MRTFA: variants seen among roughly 807,000 people sequenced by gnomAD.
MRTFA encodes the protein myocardin related transcription factor A, also known as myocardin-related transcription factor A.
MRTFA carries 20 observed loss-of-function variants against 83.5 expected under a neutral mutation model. The observed-to-expected ratio is 0.24, with a 90% confidence interval of 0.17 to 0.35. The LOEUF is 0.35. Ranked by LOEUF, MRTFA falls within the 10% of genes least tolerant of loss-of-function variation. The pLI is 1.00. For synonymous variants in MRTFA, 659 were observed against 541.2 expected (o/e 1.22, Z -3.02); for missense variants, 1,200 against 1,224.7 (o/e 0.98, Z 0.30).
intron 1 of MRTFA, among the ~76,000 whole-genome samples, chr22:40,619,838 C>T (rs557400015): frequency 3.7e-4 from 51 of 138,306 alleles, no homozygotes; most frequent in African/African-American, 1.1e-3. Flanking sequence ...TGCAGTGAGC[C>T]GAGATCACAC....
intron 9 of MRTFA, among the ~76,000 whole-genome samples, chr22:40,422,763 G>C (rs183484104): frequency 1.3e-5 from 2 of 152,358 alleles, no homozygotes; most frequent in African/African-American, 4.8e-5. Context: ...TAAGGCCAGA[G>C]CACAAGCACC....
At chr22:40,635,754 C>T (rs2056689538) in intron 1 of MRTFA, among the ~76,000 whole-genome samples, 1 of 152,132 alleles carries the variant, frequency 6.6e-6, no homozygotes, top group Admixed American at 6.5e-5. Context: ...TTATTTCATT[C>T]GACACTTACA....
intron 3 of MRTFA, among the ~76,000 whole-genome samples, chr22:40,473,920 G>A (rs908418518): frequency 6.6e-6 from 1 of 152,186 alleles, no homozygotes; most frequent in South Asian, 2.1e-4. Flanking sequence ...TTAAAAGTAG[G>A]TGAAGGGTGT....
At chr22:40,607,321 G>A (rs554777209) in intron 1 of MRTFA, among the ~76,000 whole-genome samples, 5 of 152,126 alleles carry the variant, frequency 3.3e-5, no homozygotes, top group Non-Finnish European at 5.9e-5. Flanking sequence ...TGGCTAACAC[G>A]GTGAAACCCC....
intron 1 of MRTFA, among the ~76,000 whole-genome samples, chr22:40,624,304 T>C (rs980261968): frequency 2.0e-5 from 3 of 149,552 alleles, no homozygotes; most frequent in Non-Finnish European, 3.0e-5. Flanking sequence ...GGCACGCCTG[T>C]AATCCCGGCT....
chr22:40,426,056 G>C (rs1366795117), intron 7 of MRTFA, among the ~76,000 whole-genome samples: 2 of 152,178 alleles, frequency 1.3e-5, no homozygotes, highest in African/African-American at 2.4e-5. Context: ...CTGGAGGACA[G>C]GACTTAAAGT....
At chr22:40,523,190 G>C (rs912687839) in intron 3 of MRTFA, among the ~76,000 whole-genome samples, 1 of 151,420 alleles carries the variant, frequency 6.6e-6, no homozygotes, top group Non-Finnish European at 1.5e-5. Context: ...ACCAGGAGCA[G>C]GTTTTCTTTT....
At chr22:40,538,573 AAATT>A (rs2055230081) in intron 3 of MRTFA, among the ~76,000 whole-genome samples, 1 of 71,564 alleles carries the variant, frequency 1.4e-5, no homozygotes, top group African/African-American at 6.1e-5. Flanking sequence ...ATAAAAAAAT[AAATT>A]AAAAAAAAAA....
chr22:40,595,735 C>T (rs1386227671), intron 1 of MRTFA, among the ~76,000 whole-genome samples: 2 of 151,896 alleles, frequency 1.3e-5, no homozygotes, highest in East Asian at 1.9e-4. Context: ...GAAGGCTTTA[C>T]GTAAGAGATG....
chr22:40,517,448 A>AAGG (rs1170564873), intron 3 of MRTFA, among the ~76,000 whole-genome samples: 1 of 152,128 alleles, frequency 6.6e-6, no homozygotes, highest in African/African-American at 2.4e-5. Flanking sequence ...GTTCACATGA[A>AAGG]AGGCAATATA....
intron 3 of MRTFA, among the ~76,000 whole-genome samples, chr22:40,470,448 C>A (rs1358948503): frequency 6.6e-6 from 1 of 150,488 alleles, no homozygotes. Flanking sequence ...TGAAACAGTG[C>A]TTAGAGGGAA....
chr22:40,513,300 AGCT>A (rs1569305430), intron 3 of MRTFA, among the ~76,000 whole-genome samples: 1 of 152,314 alleles, frequency 6.6e-6, no homozygotes, highest in East Asian at 1.9e-4. Context: ...TTTGAGTTTG[AGCT>A]GTTAAACTTC....
intron 2 of MRTFA, among the ~76,000 whole-genome samples, chr22:40,588,674 C>G (rs1943469963): frequency 6.6e-6 from 1 of 152,162 alleles, no homozygotes; most frequent in African/African-American, 2.4e-5. Flanking sequence ...CCATTTCCAA[C>G]GTACACATTA....
chr22:40,439,428 C>T (rs2053231440), intron 4 of MRTFA, among the ~76,000 whole-genome samples: 1 of 148,674 alleles, frequency 6.7e-6, no homozygotes, highest in African/African-American at 2.5e-5. Context: ...TTACTTGAAC[C>T]CAAGAGGCAG....
At chr22:40,635,968 G>A (rs1411888215) in intron 1 of MRTFA, among the ~76,000 whole-genome samples, 2 of 152,168 alleles carry the variant, frequency 1.3e-5, no homozygotes, top group Non-Finnish European at 2.9e-5. Flanking sequence ...AGGAGGTAAA[G>A]TTCTTGGCCA....
At chr22:40,551,086 G>GA (rs2055438240) in intron 3 of MRTFA, among the ~76,000 whole-genome samples, 1 of 60,654 alleles carries the variant, frequency 1.6e-5, no homozygotes, top group African/African-American at 7.2e-5. Context: ...CCCGACCTCA[G>GA]GGATCCGCCC....
intron 9 of MRTFA, among the ~76,000 whole-genome samples, chr22:40,421,395 T>A (rs977871896): frequency 6.6e-6 from 1 of 151,552 alleles, no homozygotes; most frequent in African/African-American, 2.4e-5. Context: ...CACAAGGAGG[T>A]AAAACCCAGC....
At chr22:40,587,717 A>G (rs948529234) in intron 2 of MRTFA, 2 of 336,422 alleles carry the variant, frequency 5.9e-6, no homozygotes, top group African/African-American at 2.2e-5. Context: ...TCCATGACAG[A>G]TATTTCCAAA....
At chr22:40,434,590 C>T (rs896436975) in intron 5 of MRTFA, among the ~76,000 whole-genome samples, 4 of 151,942 alleles carry the variant, frequency 2.6e-5, no homozygotes, top group Admixed American at 6.6e-5. Context: ...GGCGTGGTGG[C>T]GGGAGCCTGT....
Sources: allele counts gnomAD v4.1 joint callset (sites outside exome capture counted in the v4.1 genomes callset), GRCh38; gene constraint gnomAD v4.1.1; transcripts MANE v1.5; gene names NCBI Gene and HGNC (gene_info 2026-07-23, HGNC 2026-07-21).